ANXA8: variants seen among roughly 807,000 people sequenced by gnomAD.
ANXA8 encodes the protein VAC-beta.
ANXA8 carries 9 observed loss-of-function variants against 26.8 expected under a neutral mutation model. The ratio of observed to expected loss-of-function variants is 0.34; its 90% CI spans 0.20 to 0.59. The LOEUF (loss-of-function observed/expected upper bound fraction) is 0.59. ANXA8 is among the 20% of genes least tolerant of loss of function. The pLI, the probability that ANXA8 is intolerant of heterozygous loss-of-function variation, is 0.84. For missense variants in ANXA8, 83 were observed against 238.5 expected (o/e 0.35, Z 4.29); for synonymous variants, 39 against 94.8 (o/e 0.41, Z 3.42).
the ANXA8 span, among the ~76,000 whole-genome samples, chr10:47,527,607 A>G: frequency 1.1e-4 from 16 of 145,522 alleles, no homozygotes; most frequent in African/African-American, 3.9e-4. Context: ...TTTGCCAGGA[A>G]GGCAGGAAAG....
chr10:47,679,701 T>G, the ANXA8 span, among the ~76,000 whole-genome samples: 40 of 151,330 alleles, frequency 2.6e-4, no homozygotes, highest in Non-Finnish European at 3.8e-4. Flanking sequence ...GGATGATCGC[T>G]TGAGCCCAGA....
At chr10:47,944,773 T>G in the ANXA8 span, among the ~76,000 whole-genome samples, 18 of 150,332 alleles carry the variant, frequency 1.2e-4, no homozygotes, top group Non-Finnish European at 2.4e-4. Flanking sequence ...GTGAGTCGAT[T>G]AAACCTTTTT....
chr10:47,561,401 G>A, the ANXA8 span, among the ~76,000 whole-genome samples: 1 of 151,610 alleles, frequency 6.6e-6, no homozygotes, highest in African/African-American at 2.4e-5. Flanking sequence ...CTACCATGTT[G>A]GGCCAAATGT....
At chr10:47,932,800 C>G in the ANXA8 span, among the ~76,000 whole-genome samples, 1 of 79,316 alleles carries the variant, frequency 1.3e-5, no homozygotes, top group South Asian at 5.5e-4. Flanking sequence ...ATCTGCAACC[C>G]AGGAAGAGAG....
At chr10:47,671,314 T>C in the ANXA8 span, among the ~76,000 whole-genome samples, 4 of 151,664 alleles carry the variant, frequency 2.6e-5, no homozygotes, top group South Asian at 2.1e-4. Context: ...CCTAGCTACT[T>C]GCGAGTCTGA....
chr10:47,595,179 C>T, the ANXA8 span, among the ~76,000 whole-genome samples: 3 of 148,336 alleles, frequency 2.0e-5, no homozygotes, highest in Non-Finnish European at 4.4e-5. Flanking sequence ...GCTTCATAAA[C>T]GAAGGAGAGA....
the ANXA8 span, among the ~76,000 whole-genome samples, chr10:47,740,352 AT>A: frequency 6.1e-5 from 9 of 147,280 alleles, no homozygotes; most frequent in Admixed American, 6.2e-4. Flanking sequence ...TTTTCTTGGA[AT>A]TTAAAAAAAA....
chr10:47,522,113 C>G, the ANXA8 span, among the ~76,000 whole-genome samples: 4 of 147,592 alleles, frequency 2.7e-5, no homozygotes, highest in Non-Finnish European at 6.0e-5. Flanking sequence ...TATCTTTGAA[C>G]AAGATGCTAT....
chr10:47,472,572 GGGATGGTGGCTGCT>G (rs1333163771), intron 9 of ANXA8, among the ~76,000 whole-genome samples: 1 of 151,790 alleles, frequency 6.6e-6, no homozygotes, highest in African/African-American at 2.4e-5. Flanking sequence ...GAAGCACCAT[GGGATGGTGGCTGCT>G]GGCCTCAGAG....
the ANXA8 span, among the ~76,000 whole-genome samples, chr10:47,554,973 C>G: frequency 2.0e-5 from 3 of 151,522 alleles, no homozygotes; most frequent in Admixed American, 1.3e-4. Context: ...CAGCTTCCCC[C>G]TCCCTCCATG....
chr10:47,896,991 C>T, the ANXA8 span, among the ~76,000 whole-genome samples: 18 of 141,168 alleles, frequency 1.3e-4, no homozygotes, highest in African/African-American at 2.4e-4. Flanking sequence ...AGTTCAGTGG[C>T]GCGATCTCGG....
the ANXA8 span, among the ~76,000 whole-genome samples, chr10:47,735,561 A>C: frequency 6.8e-6 from 1 of 146,094 alleles, no homozygotes; most frequent in Non-Finnish European, 1.5e-5. Flanking sequence ...TTTAAAATAT[A>C]TAGTCTTTCA....
the ANXA8 span, chr10:47,588,592 G>A: frequency 7.0e-6 from 1 of 143,848 alleles, no homozygotes. Flanking sequence ...ACCCTCCCCT[G>A]AGCCTCAGTT....
the ANXA8 span, among the ~76,000 whole-genome samples, chr10:47,744,659 TG>T: frequency 1.3e-5 from 2 of 151,946 alleles, no homozygotes; most frequent in African/African-American, 4.8e-5. Context: ...GGCGTCATAG[TG>T]GCATACTAAA....
the ANXA8 span, among the ~76,000 whole-genome samples, chr10:47,621,807 C>T: frequency 9.3e-6 from 1 of 107,210 alleles, no homozygotes; most frequent in African/African-American, 3.7e-5. Flanking sequence ...GATCCAAGTG[C>T]CTCTTGTCGG....
At chr10:47,555,951 G>A in the ANXA8 span, among the ~76,000 whole-genome samples, 147 of 151,954 alleles carry the variant, frequency 9.7e-4, 2 homozygotes, top group African/African-American at 3.5e-3. Context: ...AGCAGAGAAT[G>A]AAAAAGAAAA....
chr10:47,692,945 G>A, the ANXA8 span, among the ~76,000 whole-genome samples: 1 of 151,186 alleles, frequency 6.6e-6, no homozygotes. Context: ...ATGTTGGCCG[G>A]GCTGGTTTCG....
chr10:47,946,415 G>A, the ANXA8 span, among the ~76,000 whole-genome samples: 1 of 150,772 alleles, frequency 6.6e-6, no homozygotes, highest in Non-Finnish European at 1.5e-5. Context: ...TGAGGGCAGA[G>A]ATATGAGTGA....
At chr10:47,735,410 T>TA in the ANXA8 span, among the ~76,000 whole-genome samples, 9 of 143,746 alleles carry the variant, frequency 6.3e-5, no homozygotes, top group African/African-American at 5.3e-5. Flanking sequence ...TTTTTTTTTT[T>TA]AACTTTGGAA....
Sources: allele counts gnomAD v4.1 joint callset (sites outside exome capture counted in the v4.1 genomes callset), GRCh38; gene constraint gnomAD v4.1.1; transcripts MANE v1.5; gene names NCBI Gene and HGNC (gene_info 2026-07-23, HGNC 2026-07-21).